The following PLCG2 variants were observed in gnomAD, a reference collection of about 807,000 sequenced individuals.
The protein encoded by PLCG2 is phospholipase C gamma 2, also known as 1-phosphatidylinositol 4,5-bisphosphate phosphodiesterase gamma-2.
In PLCG2, 69 loss-of-function variants were observed where a neutral mutation model predicts 175.6. That is an observed-to-expected ratio of 0.39 (90% CI 0.32 to 0.48). The LOEUF (loss-of-function observed/expected upper bound fraction) is 0.48. Among genes scored for constraint, PLCG2 ranks in the 20% least tolerant of loss-of-function variants. The pLI, the probability that PLCG2 is intolerant of heterozygous loss-of-function variation, is 0.91. For missense variants in PLCG2, 1,798 were observed against 1,650.9 expected (o/e 1.09, Z -1.54); for synonymous variants, 827 against 624.0 (o/e 1.33, Z -4.85).
intron 2 of PLCG2, among the ~76,000 whole-genome samples, chr16:81,761,955 C>T (rs1031413565): frequency 2.0e-5 from 3 of 151,692 alleles, no homozygotes; most frequent in African/African-American, 7.3e-5. Context: ...CCTCAGTTTC[C>T]CAAGTAGTTG....
At chr16:81,882,036 A>T in intron 8 of PLCG2, among the ~76,000 whole-genome samples, 1 of 152,176 alleles carries the variant, frequency 6.6e-6, no homozygotes, top group Admixed American at 6.5e-5. Flanking sequence ...CTCATAATCA[A>T]AGACAACAGA....
At chr16:81,776,694 A>G (rs1910416345), upstream of PLCG2, among the ~76,000 whole-genome samples, 1 of 152,182 alleles carries the variant, frequency 6.6e-6, no homozygotes. Flanking sequence ...AGCTGACACT[A>G]CAGGTGTGTG....
In PLCG2 at chr16:81,912,709, A is replaced by T; in HGVS notation, c.2047A>T (p.Thr683Ser). The part of the protein sequence containing the change: ...KREGSDSYAI[T>S]FRARGKVKHC... ...AGAGGGGAGCGACTCCTATGCCATCACCTTCAGGTGGGTGCGAGGGTGGGA... is the reference window on the plus strand; with the variant it reads ...AGAGGGGAGCGACTCCTATGCCATCTCCTTCAGGTGGGTGCGAGGGTGGGA... The change falls in exon 19 of 33, where the codon ACC becomes TCC. Residue 683 changes from threonine (T) to serine (S), a missense_variant. Physicochemically the swap from Thr to Ser is moderately conservative, Grantham distance 58 (BLOSUM62 1). Coordinates refer to ENST00000564138, the MANE Select transcript of PLCG2 (RefSeq NM_002661.5). 6.2e-7 allele frequency: 1 copy of T among 1,605,872 alleles called. No homozygotes were observed. The highest frequency in any genetic ancestry group is 2.2e-5 in the East Asian group (1 of 44,704).
At chr16:81,861,183 A>G (rs749236461) in intron 5 of PLCG2, among the ~76,000 whole-genome samples, 2 of 150,816 alleles carry the variant, frequency 1.3e-5, no homozygotes, top group Non-Finnish European at 2.9e-5. Context: ...TTTTGGTAAA[A>G]TATTCCTTTC....
chr16:81,938,244 G>A (rs956902721), intron 28 of PLCG2, among the ~76,000 whole-genome samples: 4 of 152,152 alleles, frequency 2.6e-5, no homozygotes, highest in African/African-American at 9.7e-5. Flanking sequence ...TAATGGAGAA[G>A]TTTTTTCCCT....
chr16:81,952,972 G>C (rs537877863), intron 31 of PLCG2, among the ~76,000 whole-genome samples: 1 of 152,200 alleles, frequency 6.6e-6, no homozygotes, highest in Non-Finnish European at 1.5e-5. Context: ...CAACCACCTG[G>C]AATAAGGCAG....
At chr16:81,806,835 G>A (rs929060624) in intron 2 of PLCG2, among the ~76,000 whole-genome samples, 1 of 151,838 alleles carries the variant, frequency 6.6e-6, no homozygotes, top group South Asian at 2.1e-4. Flanking sequence ...CAAAGCCTTC[G>A]AGGTGGGGCA....
intron 19 of PLCG2, among the ~76,000 whole-genome samples, chr16:81,915,025 C>G (rs1436087647): frequency 6.6e-6 from 1 of 152,230 alleles, no homozygotes; most frequent in Non-Finnish European, 1.5e-5. Context: ...AGGACACACA[C>G]TTTTTCAAAC....
intron 3 of PLCG2, chr16:81,857,903 A>G (rs183977423): frequency 4.7e-6 from 1 of 211,082 alleles, no homozygotes; most frequent in African/African-American, 2.2e-5. Context: ...TCAATATAGG[A>G]AAAACACTTA....
Position 81,908,634 on chromosome 16 carries a change from C to G in PLCG2, c.1733+43C>G, listed in dbSNP as rs1434182305. 3.9e-6 allele frequency: 6 copies of G among 1,539,024 alleles called. No individual in the cohort carries two copies. The Admixed American group carries it at 5.4e-5, about 14-fold the overall frequency. On this transcript the variant is annotated intron_variant, in intron 17 of 32. Coordinates refer to ENST00000564138, the MANE Select transcript of PLCG2 (RefSeq NM_002661.5). ...GGGAACGCCTACCTTCTTCTCCATGCCAACCGATGAGGCAGGGTGGCGAGT... is the reference window on the plus strand; with the variant it reads ...GGGAACGCCTACCTTCTTCTCCATGGCAACCGATGAGGCAGGGTGGCGAGT...
At chr16:81,931,362 C>A in intron 24 of PLCG2, 135 bp from the exon 25 acceptor site, 1 of 713,174 alleles carries the variant, frequency 1.4e-6, no homozygotes, top group Non-Finnish European at 2.4e-6. Flanking sequence ...GGAAAGTAGA[C>A]GTCCCCATCA....
chr16:81,764,567 C>A (rs779254156), intron 2 of PLCG2, among the ~76,000 whole-genome samples: 3 of 152,200 alleles, frequency 2.0e-5, no homozygotes, highest in Non-Finnish European at 4.4e-5. Context: ...ACCCTCCAGC[C>A]CATGCAGTTG....
chr16:81,850,774 G>T (rs926033479), intron 2 of PLCG2, among the ~76,000 whole-genome samples: 2 of 152,162 alleles, frequency 1.3e-5, no homozygotes, highest in African/African-American at 4.8e-5. Flanking sequence ...TATCTCATTA[G>T]CGTGTTAAAT....
intron 2 of PLCG2, among the ~76,000 whole-genome samples, chr16:81,773,808 C>G (rs1379832160): frequency 6.6e-6 from 1 of 152,120 alleles, no homozygotes; most frequent in Non-Finnish European, 1.5e-5. Context: ...GCTGCAAATG[C>G]TGTGCAGAGC....
At chr16:81,923,686 C>A (rs1056287797) in intron 22 of PLCG2, 92 bp downstream of exon 22, 2 of 720,770 alleles carry the variant, frequency 2.8e-6, no homozygotes, top group Non-Finnish European at 4.8e-6. Flanking sequence ...AGTCTGACCC[C>A]CTTTGTCATC....
intron 2 of PLCG2, among the ~76,000 whole-genome samples, chr16:81,808,539 G>C (rs868455886): frequency 1.3e-5 from 2 of 151,994 alleles, no homozygotes; most frequent in South Asian, 4.2e-4. Context: ...TGTCGCCCAG[G>C]CTGGAGTGCG....
chr16:81,791,468 G>A lies in PLCG2; in HGVS notation c.193+5286G>A, dbSNP rs551223012. Among the ~76,000 whole-genome samples the A allele has an allele frequency of 7.9e-5, 12 of 152,252 alleles. No individual in the cohort carries two copies. In the South Asian group the frequency reaches 8.3e-4, roughly 11 times the overall value. On this transcript the variant is annotated intron_variant, in intron 2 of 32. Transcript: ENST00000564138. ...TCTACTCTTTGTAGCCTGGACTGAG[G>A]TCATTTGGTGTCACCTCGCCTGGAA... is the stretch of plus-strand genomic sequence containing the variant.
rs543651445 is a variant in PLCG2 at position 81,957,904 on chromosome 16, G to A, written c.3756-52G>A. 48 of 1,486,944 alleles carry A rather than the reference G, an allele frequency of 3.2e-5. 1 individual carries two copies. The highest frequency in any genetic ancestry group is 2.3e-4 in the South Asian group (20 of 88,492). The allele number at this position is 1,486,944 out of a possible 1,614,324, so 92.1% of individuals were successfully genotyped here. A position where few individuals can be genotyped will look rare whatever the true frequency, so the allele number is the denominator to read the frequency against. ...AGAGAAATGTTACAGAGTTCAGCACGCAGCCCATTTCTCATGGCCCACTGC... is the reference window on the plus strand; with the variant it reads ...AGAGAAATGTTACAGAGTTCAGCACACAGCCCATTTCTCATGGCCCACTGC... On this transcript the variant is annotated intron_variant, in intron 32 of 32. Transcript: ENST00000564138.
intron 21 of PLCG2, among the ~76,000 whole-genome samples, chr16:81,922,568 G>A (rs1230751925): frequency 1.3e-5 from 2 of 152,166 alleles, no homozygotes; most frequent in Admixed American, 6.5e-5. Flanking sequence ...TTTCACAGAC[G>A]GGGGAACTGA....
Sources: gnomAD v4.1 joint callset for allele counts (sites outside exome capture counted in the v4.1 genomes callset) on GRCh38, gnomAD v4.1.1 for gene constraint, MANE v1.5 for transcripts, NCBI Gene and HGNC (gene_info 2026-07-23, HGNC 2026-07-21) for gene names.